The following NELL1 variants were observed in gnomAD, a reference collection of about 807,000 sequenced individuals.
NELL1 encodes neural EGFL like 1.
NELL1 carries 76 observed loss-of-function variants against 107.4 expected under a neutral mutation model. That is an observed-to-expected ratio of 0.71 (90% CI 0.59 to 0.86). The LOEUF (loss-of-function observed/expected upper bound fraction) is 0.86. Ranked by LOEUF, NELL1 falls within the 40% of genes least tolerant of loss-of-function variation. The probability of loss-of-function intolerance (pLI) is 0.00; values close to 1 mark genes in which losing one functional copy is unlikely to be tolerated. For missense variants in NELL1, 1,024 were observed against 1,005.5 expected, an observed-to-expected ratio of 1.02 and a Z score of -0.25; for synonymous variants, 353 against 341.2, an observed-to-expected ratio of 1.03 and a Z score of -0.38.
chr11:20,745,301 C>T, intron 2 of NELL1, among the ~76,000 whole-genome samples: 1 of 152,202 alleles, frequency 6.6e-6, no homozygotes, highest in Admixed American at 6.5e-5. Context: ...ACACATTGAT[C>T]CAAGTATGTA....
In NELL1 at chr11:21,519,317, G is replaced by C. The variant is rs1195076812; in HGVS notation, c.1646-15057G>C. Among the ~76,000 whole-genome samples, 3 of 152,222 alleles carry C rather than the reference G, an allele frequency of 2.0e-5. No individual in the cohort carries two copies. The East Asian group carries it at 5.8e-4, about 29-fold the overall frequency. On this transcript the variant is annotated intron_variant, in intron 15 of 19. Transcript: ENST00000357134. ...TAGAGTTCTCAGATGATTCTGGCAAGCTTGTTTAAATACAGACTACTGGGT... is the reference window on the plus strand; with the variant it reads ...TAGAGTTCTCAGATGATTCTGGCAACCTTGTTTAAATACAGACTACTGGGT...
intron 12 of NELL1, among the ~76,000 whole-genome samples, chr11:21,003,952 T>C (rs1039177826): frequency 8.5e-5 from 13 of 152,224 alleles, no homozygotes; most frequent in Non-Finnish European, 1.6e-4. Flanking sequence ...GAGTGATGAA[T>C]GTGAGAAAAA....
chr11:21,108,076 T>C lies in NELL1; in HGVS notation c.1301-5513T>C, dbSNP rs145175031. Among the ~76,000 whole-genome samples, 3 of 152,256 alleles carry C rather than the reference T, an allele frequency of 2.0e-5. No individual in the cohort carries two copies. In the East Asian group the frequency reaches 5.8e-4, roughly 29 times the overall value. ...GGCACACAGTGCTTGACCAAAAACA[T>C]GTTCTCAAGAGCTGTTGATCTTCTT... On this transcript the variant is annotated intron_variant, in intron 12 of 19. Coordinates refer to ENST00000357134, the MANE Select transcript of NELL1 (RefSeq NM_006157.5).
chr11:21,545,004 T>G (rs2133982850), intron 16 of NELL1, among the ~76,000 whole-genome samples: 1 of 152,104 alleles, frequency 6.6e-6, no homozygotes, highest in South Asian at 2.1e-4. Context: ...TATGTCTATT[T>G]GTGTATTACT....
At chr11:21,516,542 G>A (rs1207038651) in intron 15 of NELL1, among the ~76,000 whole-genome samples, 1 of 152,130 alleles carries the variant, frequency 6.6e-6, no homozygotes, top group African/African-American at 2.4e-5. Context: ...CGTAGGCTAT[G>A]TGGTACAGCC....
chr11:21,359,329 C>T (rs998693116), intron 14 of NELL1, among the ~76,000 whole-genome samples: 1 of 152,036 alleles, frequency 6.6e-6, no homozygotes, highest in African/African-American at 2.4e-5. Context: ...GGTATGAAAC[C>T]CACTTGATAA....
chr11:21,021,094 C>G (rs994740746), intron 12 of NELL1, among the ~76,000 whole-genome samples: 1 of 150,670 alleles, frequency 6.6e-6, no homozygotes, highest in East Asian at 2.0e-4. Flanking sequence ...TCACAACTAC[C>G]AAATGTTCTT....
chr11:20,852,876 T>C (rs1241890897), intron 4 of NELL1, among the ~76,000 whole-genome samples: 1 of 152,200 alleles, frequency 6.6e-6, no homozygotes, highest in Non-Finnish European at 1.5e-5. Context: ...TATTCATGTG[T>C]AAATTTAAGT....
chr11:20,759,458 G>A (rs752088), intron 2 of NELL1, among the ~76,000 whole-genome samples: 88,066 of 152,022 alleles, frequency 0.58, 26,629 homozygotes, highest in Middle Eastern at 0.75. Context: ...AATACCAATG[G>A]AACTACAGTA....
intron 15 of NELL1, among the ~76,000 whole-genome samples, chr11:21,376,161 T>A (rs1052672610): frequency 6.6e-6 from 1 of 151,600 alleles, no homozygotes; most frequent in Non-Finnish European, 1.5e-5. Flanking sequence ...GATTTTTTTA[T>A]AGGATTCTAC....
chr11:20,673,012 A>G (rs1182918583), intron 1 of NELL1, among the ~76,000 whole-genome samples: 2 of 128,892 alleles, frequency 1.6e-5, no homozygotes, highest in Admixed American at 1.9e-4. Flanking sequence ...ACAGGCATGC[A>G]CCACCACGCC....
At position 20,876,544 on chromosome 11, in the gene NELL1, C is replaced by T. The variant is rs1369437412; in HGVS notation, c.507-8900C>T. Among the ~76,000 whole-genome samples, 3 of 152,270 alleles carry T rather than the reference C, an allele frequency of 2.0e-5. No homozygotes were observed. In the East Asian group the frequency reaches 5.8e-4, roughly 30 times the overall value. ...ACTTTGGGAGGCCGAGGCGGTGGAT[C>T]TCGAGGTCAGGAGATTGAGACCATC... On this transcript the variant is annotated intron_variant, in intron 4 of 19. Transcript: ENST00000357134.
At chr11:21,077,114 A>C (rs1590613880) in intron 12 of NELL1, among the ~76,000 whole-genome samples, 1 of 152,306 alleles carries the variant, frequency 6.6e-6, no homozygotes, top group East Asian at 1.9e-4. Context: ...GAATAAAAGT[A>C]GTGATAAAAA....
At chr11:21,037,484 A>T (rs76613352) in intron 12 of NELL1, among the ~76,000 whole-genome samples, 1 of 151,962 alleles carries the variant, frequency 6.6e-6, no homozygotes, top group Non-Finnish European at 1.5e-5. Flanking sequence ...CTCATTATCC[A>T]TCTCCCTTTT....
At chr11:20,712,314 T>TA (rs1855134023) in intron 2 of NELL1, among the ~76,000 whole-genome samples, 1 of 152,122 alleles carries the variant, frequency 6.6e-6, no homozygotes, top group Non-Finnish European at 1.5e-5. Context: ...TAATTTTTTT[T>TA]ATGGTATCTA....
chr11:20,679,511 A>G (rs1854140792), intron 2 of NELL1, among the ~76,000 whole-genome samples: 1 of 152,218 alleles, frequency 6.6e-6, no homozygotes, highest in African/African-American at 2.4e-5. Context: ...ATTATATGTA[A>G]CAAGACTATG....
chr11:20,824,214 G>A (rs188981802), intron 3 of NELL1, among the ~76,000 whole-genome samples: 3 of 151,316 alleles, frequency 2.0e-5, no homozygotes, highest in Admixed American at 6.6e-5. Context: ...GAAGAAGGAC[G>A]TATTTGCTTC....
At chr11:21,529,379 C>G (rs1296560303) in intron 15 of NELL1, among the ~76,000 whole-genome samples, 1 of 152,132 alleles carries the variant, frequency 6.6e-6, no homozygotes, top group Non-Finnish European at 1.5e-5. Context: ...CCCTAAGAAC[C>G]CAAGAGAAAC....
At chr11:21,377,682 A>G (rs1214865970) in intron 15 of NELL1, among the ~76,000 whole-genome samples, 2 of 151,970 alleles carry the variant, frequency 1.3e-5, no homozygotes, top group South Asian at 2.1e-4. Flanking sequence ...GCATTTTTGC[A>G]TGGTAGAATT....
Sources: gnomAD v4.1 joint callset for allele counts (sites outside exome capture counted in the v4.1 genomes callset) on GRCh38, gnomAD v4.1.1 for gene constraint, MANE v1.5 for transcripts, NCBI Gene and HGNC (gene_info 2026-07-23, HGNC 2026-07-21) for gene names.